The following RIPOR3 variants were observed in gnomAD, a reference collection of about 807,000 sequenced individuals.
RIPOR3 encodes family with sequence similarity 65 member C.
RIPOR3 carries 95 observed loss-of-function variants against 114.3 expected under a neutral mutation model. The observed-to-expected ratio is 0.83, with a 90% CI of 0.70 to 0.99. The LOEUF (loss-of-function observed/expected upper bound fraction) is 0.99. Among genes scored for constraint, RIPOR3 ranks in the 50% least tolerant of loss-of-function variants. RIPOR3 has a pLI of 0.00. For synonymous variants in RIPOR3, 575 were observed against 543.8 expected (o/e 1.06, Z -0.80); for missense variants, 1,252 against 1,266.9 (o/e 0.99, Z 0.18).
chr20:50,619,083 G>T (rs1205784374), intron 3 of RIPOR3, among the ~76,000 whole-genome samples: 2 of 151,978 alleles, frequency 1.3e-5, no homozygotes, highest in Admixed American at 1.3e-4. Context: ...GTGGTGGCAG[G>T]TGCCTGTAAT....
At position 50,614,005 on chromosome 20, in the gene RIPOR3, C is replaced by T. The variant is rs547297074; in HGVS notation, c.348+1997G>A. 6.3e-4 allele frequency among the ~76,000 whole-genome samples: 96 copies of T among 152,030 alleles called. 1 individual carries two copies. Among genetic ancestry groups the T allele is most frequent in the South Asian group, 4.2e-4 (2 of 4,818 alleles). On this transcript the variant is annotated intron_variant, in intron 4 of 21. Coordinates refer to ENST00000327979, the MANE Select transcript of RIPOR3 (RefSeq NM_001290268.2). ...GCTGGAGCCAGGATACAGAGACGGC[C>T]GCTTGTTTGCTTGCTTATTTCATTC...
chr20:50,602,288 G>A lies in RIPOR3; in HGVS notation c.1443C>T (p.Pro481=). 6.2e-7 allele frequency: 1 copy of A among 1,613,906 alleles called. No homozygotes were observed. The highest frequency in any genetic ancestry group is 8.5e-7 in the Non-Finnish European group (1 of 1,179,946). ...PGWRNLGGES[P]SLPQGSLFHS... Reference sequence around the variant, plus strand: ...GGAACAGGGAGCCCTGTGGCAGGCTGGGGCTCTCCCCTCCTAAGTTCCTCC... The same window carrying A: ...GGAACAGGGAGCCCTGTGGCAGGCTAGGGCTCTCCCCTCCTAAGTTCCTCC... Residue 481 remains proline, a synonymous_variant, in exon 13 of 22, where the codon CCC becomes CCT. Transcript: ENST00000327979. The surrounding 1 kb of genome is among the most constrained non-coding windows in gnomAD (Gnocchi z 4.3).
At chr20:50,593,295 G>T in intron 17 of RIPOR3, 99 bp from the exon 18 acceptor site, 1 of 1,373,652 alleles carries the variant, frequency 7.3e-7, no homozygotes, top group East Asian at 2.5e-5. Context: ...TTTCTGGGCC[G>T]GGCGCAGTGG....
intron 1 of RIPOR3, among the ~76,000 whole-genome samples, chr20:50,678,970 T>C (rs1179731034): frequency 6.7e-6 from 1 of 150,218 alleles, no homozygotes; most frequent in Non-Finnish European, 1.5e-5. Context: ...CCAAGCCTGG[T>C]GATCCACACC....
At chr20:50,666,280 A>G (rs2086242233) in intron 1 of RIPOR3, among the ~76,000 whole-genome samples, 1 of 129,190 alleles carries the variant, frequency 7.7e-6, no homozygotes, top group Non-Finnish European at 1.6e-5. Flanking sequence ...GCTGGAGTGC[A>G]GTGGCGCAAT....
chr20:50,592,861 T>G (rs1178095647), intron 18 of RIPOR3, among the ~76,000 whole-genome samples, 174 bp downstream of exon 18: 1 of 152,228 alleles, frequency 6.6e-6, no homozygotes, highest in East Asian at 1.9e-4. Context: ...TGACTTCCCT[T>G]GGAGCTAATA....
chr20:50,624,747 C>A (rs1046665968), intron 2 of RIPOR3, among the ~76,000 whole-genome samples: 1 of 152,348 alleles, frequency 6.6e-6, no homozygotes, highest in East Asian at 1.9e-4. Flanking sequence ...CAGACGGGCA[C>A]GTGCAACCTG....
At chr20:50,689,342 A>AT (rs1302709084) in intron 1 of RIPOR3, among the ~76,000 whole-genome samples, 1 of 151,848 alleles carries the variant, frequency 6.6e-6, no homozygotes, top group Non-Finnish European at 1.5e-5. Context: ...CGGCCAGCTA[A>AT]TTTTTGTATT....
chr20:50,658,860 T>C (rs924882766), intron 1 of RIPOR3, among the ~76,000 whole-genome samples: 3 of 152,168 alleles, frequency 2.0e-5, no homozygotes, highest in Non-Finnish European at 4.4e-5. Context: ...CAGGTTTAGA[T>C]GCCAGGTCTT....
chr20:50,669,141 ACT>A (rs965386928), intron 1 of RIPOR3, among the ~76,000 whole-genome samples: 4 of 151,880 alleles, frequency 2.6e-5, no homozygotes, highest in South Asian at 2.1e-4. Context: ...CATGGTGCAC[ACT>A]CACACACCCA....
intron 1 of RIPOR3, among the ~76,000 whole-genome samples, chr20:50,640,943 C>G (rs921260479): frequency 7.5e-6 from 1 of 133,254 alleles, no homozygotes; most frequent in East Asian, 2.2e-4. Flanking sequence ...GAGCTTTGCT[C>G]TTTTTGCCCA....
chr20:50,609,530 C>G, intron 7 of RIPOR3, 43 bp downstream of exon 7: 1 of 1,432,660 alleles, frequency 7.0e-7, no homozygotes, highest in Non-Finnish European at 9.1e-7. Flanking sequence ...CCCGGCCCAG[C>G]TCTTGCTGCC....
chr20:50,675,978 G>A (rs2086665113), intron 1 of RIPOR3, among the ~76,000 whole-genome samples: 1 of 152,200 alleles, frequency 6.6e-6, no homozygotes, highest in Non-Finnish European at 1.5e-5. Flanking sequence ...TCTACCTTAT[G>A]TGGGTTTTCT....
At chr20:50,590,754 G>A (rs7269707) in intron 19 of RIPOR3, among the ~76,000 whole-genome samples, 2,784 of 151,900 alleles carry the variant, frequency 0.018, 32 homozygotes, top group East Asian at 0.052. Flanking sequence ...ATCTGTCACT[G>A]GGTTGGCCCC....
Position 50,667,444 on chromosome 20 carries a change from C to A in RIPOR3, c.3+23682G>T, listed in dbSNP as rs377578110. Among the ~76,000 whole-genome samples, 42 of 152,138 alleles carry A rather than the reference C, an allele frequency of 2.8e-4. No individual in the cohort carries two copies. In the East Asian group the frequency reaches 6.0e-3, roughly 22 times the overall value. On this transcript the variant is annotated intron_variant, in intron 1 of 21. Transcript: ENST00000327979. ...AAGTAGCTGTGATTACAGGCACCCGCCACAACGCCCAGCTAATTTTTGTAT... is the reference window on the plus strand; with the variant it reads ...AAGTAGCTGTGATTACAGGCACCCGACACAACGCCCAGCTAATTTTTGTAT...
chr20:50,664,506 CCTT>C (rs2086116584), intron 1 of RIPOR3, among the ~76,000 whole-genome samples: 1 of 152,192 alleles, frequency 6.6e-6, no homozygotes, highest in South Asian at 2.1e-4. Flanking sequence ...GAGGGACAGA[CCTT>C]CTTTCAAGGC....
intron 18 of RIPOR3, 131 bp from the exon 19 acceptor site, chr20:50,592,677 C>A: frequency 1.2e-6 from 1 of 844,218 alleles, no homozygotes; most frequent in Non-Finnish European, 1.7e-6. Flanking sequence ...ATCACCAAGG[C>A]CCAGCCTGGA....
At position 50,615,108 on chromosome 20, in the gene RIPOR3, AGTGTGT is replaced by A. The variant is rs56136460; in HGVS notation, c.348+888_348+893del. 1.3e-3 allele frequency among the ~76,000 whole-genome samples: 185 copies of A among 138,506 alleles called. 1 individual carries two copies. The highest frequency in any genetic ancestry group is 6.6e-3 in the East Asian group (30 of 4,528). 90.9% of individuals were successfully genotyped at this position (138,506 alleles called of 152,430 possible). On this transcript the variant is annotated intron_variant, in intron 4 of 21. Transcript: ENST00000327979. ...AATTTAATGGGGCATGCTATTTGTG[AGTGTGT>A]GTGTGTGTGTGTGTGTGTGTGTGTG...
At chr20:50,657,949 G>C (rs1265091992) in intron 1 of RIPOR3, among the ~76,000 whole-genome samples, 1 of 151,478 alleles carries the variant, frequency 6.6e-6, no homozygotes, top group East Asian at 1.9e-4. Flanking sequence ...TTTTTTTGTA[G>C]TAACAGGGCC....
Sources: allele counts gnomAD v4.1 joint callset (sites outside exome capture counted in the v4.1 genomes callset), GRCh38; gene constraint gnomAD v4.1.1; non-coding constraint Gnocchi (gnomAD v3.1); transcripts MANE v1.5; gene names NCBI Gene and HGNC (gene_info 2026-07-23, HGNC 2026-07-21).